KIAA1210: variants seen among roughly 807,000 people sequenced by gnomAD.
The protein encoded by KIAA1210 is KIAA1210.
Under a neutral mutation model 78.9 loss-of-function variants are expected in KIAA1210, and 48 were observed. That is an observed-to-expected ratio of 0.61 (90% CI 0.48 to 0.77). The LOEUF is 0.77. KIAA1210 is among the 30% of genes least tolerant of loss of function. The pLI is 0.00. For synonymous variants in KIAA1210, 406 were observed against 404.5 expected (o/e 1.00, Z -0.04); for missense variants, 1,108 against 1,100.0 (o/e 1.01, Z -0.10).
In KIAA1210 at chrX:119,089,129, G is replaced by C. The variant is rs751844461; in HGVS notation, c.1573C>G (p.Gln525Glu). 24 of 1,210,140 alleles carry C rather than the reference G, an allele frequency of 2.0e-5. No homozygotes were observed. In the South Asian group the frequency reaches 3.7e-4, roughly 19 times the overall value. Residue 525 changes from glutamine (Q) to glutamate (E), a missense_variant, in exon 9 of 12, where the codon CAG becomes GAG. Around this residue, in one of 5 missense-constraint regions of KIAA1210, gnomAD observed 672 missense variants for 607.1 expected, o/e 1.11. Transcript: ENST00000691062. ...CTGAAAGCTTCTTGATCTTCTAACT[G>C]GATATGAGAAGGATTCATAAACACC... is the stretch of plus-strand genomic sequence containing the variant. ...AQVFMNPSHI[Q>E]LEDQEAFSFD...
intron 6 of KIAA1210, among the ~76,000 whole-genome samples, chrX:119,101,381 A>T (rs1202233862): frequency 1.8e-5 from 2 of 109,555 alleles, no homozygotes; most frequent in Non-Finnish European, 3.8e-5. Flanking sequence ...TTGGCCCATA[A>T]AGCTGTCACT....
chrX:119,085,318 T>C, intron 10 of KIAA1210, 65 bp downstream of exon 10: 1 of 1,081,104 alleles, frequency 9.2e-7, no homozygotes, highest in Non-Finnish European at 1.3e-6. Flanking sequence ...AAGTTCCCAA[T>C]AGAAACCTAA....
At chrX:119,119,975 CAAAAA>C (rs11342308) in intron 2 of KIAA1210, among the ~76,000 whole-genome samples, 1 of 35,787 alleles carries the variant, frequency 2.8e-5, no homozygotes. Context: ...GACTCCATCT[CAAAAA>C]AAAAAAAAAA....
In KIAA1210 at chrX:119,080,558, G is replaced by A. The variant is rs1926914996; in HGVS notation, c.*771C>T. ...ATAAAACCTAAAGGCCAATCTTTAGGTCAAATCATCTGAATGTTTCCATTA... is the reference window on the plus strand; with the variant it reads ...ATAAAACCTAAAGGCCAATCTTTAGATCAAATCATCTGAATGTTTCCATTA... On this transcript the variant is annotated 3_prime_UTR_variant, in exon 12 of 12. Transcript: ENST00000691062. 1 of 112,116 alleles carries A rather than the reference G, an allele frequency of 8.9e-6. No homozygotes were observed. The highest frequency in any genetic ancestry group is 3.2e-5 in the African/African-American group (1 of 30,824). The allele number at this position is 112,116 out of a possible 1,213,427, so 9.2% of individuals were successfully genotyped here.
chrX:119,108,810 C>T (rs1276768236), intron 4 of KIAA1210, among the ~76,000 whole-genome samples: 2 of 106,640 alleles, frequency 1.9e-5, no homozygotes, highest in African/African-American at 6.9e-5. Context: ...TGCCACTGCA[C>T]TCCAGCCTAG....
chrX:119,107,336 C>A (rs1171046202), intron 5 of KIAA1210, among the ~76,000 whole-genome samples: 1 of 112,235 alleles, frequency 8.9e-6, no homozygotes, highest in Non-Finnish European at 1.9e-5. Context: ...CTCTCTGTTG[C>A]TGGGACTTAG....
At chrX:119,103,994 A>G (rs896295426) in intron 6 of KIAA1210, among the ~76,000 whole-genome samples, 1 of 112,233 alleles carries the variant, frequency 8.9e-6, no homozygotes, top group African/African-American at 3.2e-5. Context: ...TCCATTTTGG[A>G]GAACCAAACA....
At chrX:119,119,331 A>T (rs73592495) in intron 2 of KIAA1210, among the ~76,000 whole-genome samples, 217 of 112,220 alleles carry the variant, frequency 1.9e-3, no homozygotes, top group African/African-American at 6.6e-3. Context: ...AGATTATAGA[A>T]CTGTTTGCTT....
At chrX:119,139,085 G>A (rs1353632478) in intron 2 of KIAA1210, among the ~76,000 whole-genome samples, 1 of 112,300 alleles carries the variant, frequency 8.9e-6, no homozygotes, top group East Asian at 2.8e-4. Context: ...GGTTTAAGGA[G>A]GAAGGCTGTA....
In KIAA1210 at chrX:119,109,068, A is replaced by T; in HGVS notation, c.357+8T>A. ...CAATTAGACACTGATGCTCGAGTCC[A>T]CTATTACCTGCTGAGGTCTGCCTCT... is the stretch of plus-strand genomic sequence containing the variant. On this transcript the variant is annotated splice_region_variant and intron_variant, in intron 4 of 11. Transcript: ENST00000691062. 8.3e-7 allele frequency: 1 copy of T among 1,209,487 alleles called. No homozygotes were observed.
rs755722911 is a variant in KIAA1210 at position 119,088,198 on chromosome X, ACT to A, written c.2502_2503del (p.Arg834SerfsTer31). 1.7e-6 allele frequency: 2 copies of A among 1,210,001 alleles called. No homozygotes were observed. The highest frequency in any genetic ancestry group is 2.2e-6 in the Non-Finnish European group (2 of 894,504). On this transcript the variant is annotated frameshift_variant, in exon 9 of 12. Coordinates refer to ENST00000691062, the MANE Select transcript of KIAA1210 (RefSeq NM_001394962.1). LOFTEE classifies it high-confidence loss of function. ...GGGGAGTAGTGGCTCCACAGAAATG[ACT>A]CTCTCAACAGCAATGTCCTCTGAAC...
rs10714793 is a variant in KIAA1210, at chrX:119,081,266, CAAAA to C, written c.*59_*62del. The C allele has an allele frequency of 4.5e-3, 2,502 of 553,746 alleles. No individual in the cohort carries two copies. The highest frequency in any genetic ancestry group is 8.1e-3 in the Admixed American group (130 of 16,058). The allele number at this position is 553,746 out of a possible 1,213,427, so 45.6% of individuals were successfully genotyped here. A position where few individuals can be genotyped will look rare whatever the true frequency, so the allele number is the denominator to read the frequency against. ...TGGGTAACAGAGCGAGACTCTGTCT[CAAAA>C]AAAAAAAAAAAAAAAAAAACTAAAT... On this transcript the variant is annotated 3_prime_UTR_variant, in exon 12 of 12. Coordinates refer to ENST00000691062, the MANE Select transcript of KIAA1210 (RefSeq NM_001394962.1).
chrX:119,085,882 C>G (rs1430755964), intron 9 of KIAA1210, among the ~76,000 whole-genome samples: 1 of 112,868 alleles, frequency 8.9e-6, no homozygotes, highest in Non-Finnish European at 1.9e-5. Flanking sequence ...TGCCATTCCT[C>G]TAACTCCTAG....
At chrX:119,122,805 T>C (rs180991629) in intron 2 of KIAA1210, among the ~76,000 whole-genome samples, 216 of 112,124 alleles carry the variant, frequency 1.9e-3, no homozygotes, top group African/African-American at 6.6e-3. Flanking sequence ...GAATCTGTGA[T>C]CAGGCTCTCA....
At chrX:119,131,356 A>G (rs1005489011), upstream of KIAA1210, among the ~76,000 whole-genome samples, 6 of 111,320 alleles carry the variant, frequency 5.4e-5, no homozygotes, top group African/African-American at 2.0e-4. Context: ...GTGCGCATGG[A>G]CATAAAGATG....
intron 6 of KIAA1210, among the ~76,000 whole-genome samples, chrX:119,099,380 A>G (rs1157300596): frequency 8.9e-6 from 1 of 112,135 alleles, no homozygotes; most frequent in Non-Finnish European, 1.9e-5. Context: ...ACTTAATAAC[A>G]GCCACTGATC....
Position 119,123,567 on chromosome X carries a change from T to C in KIAA1210, c.61+15A>G. 8.6e-7 allele frequency: 1 copy of C among 1,159,658 alleles called. No homozygotes were observed. Among genetic ancestry groups the C allele is most frequent in the Non-Finnish European group, 1.2e-6 (1 of 851,943 alleles). On this transcript the variant is annotated intron_variant, in intron 2 of 11. Coordinates refer to ENST00000691062, the MANE Select transcript of KIAA1210 (RefSeq NM_001394962.1). Reference sequence around the variant, plus strand: ...AATCTAATTCTGGTTATCAAAGTTTTATTGGGTTACTTACCCTCATCACCG... The same window carrying C: ...AATCTAATTCTGGTTATCAAAGTTTCATTGGGTTACTTACCCTCATCACCG...
At position 119,080,760 on chromosome X, in the gene KIAA1210, T is replaced by A. The variant is rs1426734839; in HGVS notation, c.*569A>T. 8.9e-6 allele frequency: 1 copy of A among 112,522 alleles called. No individual in the cohort carries two copies. Among genetic ancestry groups the A allele is most frequent in the African/African-American group, 3.2e-5 (1 of 31,013 alleles). The allele number at this position is 112,522 out of a possible 1,213,427, so 9.3% of individuals were successfully genotyped here. A position where few individuals can be genotyped will look rare whatever the true frequency, so the allele number is the denominator to read the frequency against. On this transcript the variant is annotated 3_prime_UTR_variant, in exon 12 of 12. Transcript: ENST00000691062. ...ATGCTGGGTTTCTGGGTGCTGGCAG[T>A]GACTACGTGGAAGGTTAAGCATTCA...
In KIAA1210 at chrX:119,089,543, CTTCACTGGA is replaced by C; in HGVS notation, c.1150_1158del (p.Ser384_Glu386del). ...CCAGCTCTATCGCCCAGGCCATACC[CTTCACTGGA>C]TTGTTTAAGGCTTCTTCCTTTGAAT... On this transcript the variant is annotated inframe_deletion, in exon 9 of 12. Transcript: ENST00000691062. 1 of 1,211,479 alleles carries C rather than the reference CTTCACTGGA, an allele frequency of 8.3e-7. No homozygotes were observed. Among genetic ancestry groups the C allele is most frequent in the Non-Finnish European group, 1.1e-6 (1 of 895,344 alleles).
Sources: gnomAD v4.1 joint callset for allele counts (sites outside exome capture counted in the v4.1 genomes callset) on GRCh38, gnomAD v4.1.1 for gene constraint, gnomAD v4.1.1 regional missense constraint, MANE v1.5 for transcripts, NCBI Gene and HGNC (gene_info 2026-07-23, HGNC 2026-07-21) for gene names.